Variants in FILIP1L observed in about 807,000 individuals in gnomAD.
The protein encoded by FILIP1L is filamin A-interacting protein 1-like.
Under a neutral mutation model 96.6 loss-of-function variants are expected in FILIP1L, and 55 were observed. The ratio of observed to expected loss-of-function variants is 0.57; its 90% confidence interval spans 0.46 to 0.71. The LOEUF is 0.71. Among genes scored for constraint, FILIP1L ranks in the 30% least tolerant of loss-of-function variants. The pLI is 0.00. For synonymous variants in FILIP1L, 467 were observed against 473.9 expected, an observed-to-expected ratio of 0.99 and a Z score of 0.19; for missense variants, 1,304 against 1,321.2, an observed-to-expected ratio of 0.99 and a Z score of 0.20.
intron 4 of FILIP1L, among the ~76,000 whole-genome samples, chr3:99,903,512 A>G (rs1706510624): frequency 6.6e-6 from 1 of 152,096 alleles, no homozygotes; most frequent in African/African-American, 2.4e-5. Context: ...GGCCTCCCAA[A>G]GTGCTGGGAT....
At chr3:100,048,637 A>G (rs2065316949) in intron 1 of FILIP1L, among the ~76,000 whole-genome samples, 1 of 152,130 alleles carries the variant, frequency 6.6e-6, no homozygotes, top group Admixed American at 6.5e-5. Flanking sequence ...CCATTTAGAG[A>G]GGGAAAATAA....
intron 4 of FILIP1L, among the ~76,000 whole-genome samples, chr3:99,911,367 A>G (rs919971568): frequency 1.3e-5 from 2 of 150,704 alleles, no homozygotes; most frequent in Admixed American, 1.3e-4. Context: ...AAGTATTATT[A>G]TTGTTAAGTT....
At chr3:99,961,435 C>T (rs1708487888) in intron 1 of FILIP1L, among the ~76,000 whole-genome samples, 1 of 152,126 alleles carries the variant, frequency 6.6e-6, no homozygotes. Context: ...TATGCATACC[C>T]AGGAGCCCAG....
intron 1 of FILIP1L, among the ~76,000 whole-genome samples, chr3:99,996,668 A>C (rs1024497816): frequency 2.6e-5 from 4 of 152,130 alleles, no homozygotes; most frequent in African/African-American, 9.7e-5. Context: ...TGGGAGGCAA[A>C]AGGCGCTTCT....
rs1942618547 is a variant in FILIP1L at position 99,829,932 on chromosome 3, T to A, written c.*482A>T. Among the ~76,000 whole-genome samples, 1 of 152,226 alleles carries A rather than the reference T, an allele frequency of 6.6e-6. No individual in the cohort carries two copies. The highest frequency in any genetic ancestry group is 1.5e-5 in the Non-Finnish European group (1 of 68,034). On this transcript the variant is annotated 3_prime_UTR_variant, in exon 6 of 6. Transcript: ENST00000477258. The stretch of plus-strand genomic sequence containing the variant: ...TCCTGGTCATAAAGAAATCATAGTT[T>A]TAGACCTTAAAGTGTGATTTTAATT...
At chr3:100,042,556 T>C (rs2065222363) in intron 1 of FILIP1L, among the ~76,000 whole-genome samples, 1 of 152,242 alleles carries the variant, frequency 6.6e-6, no homozygotes, top group South Asian at 2.1e-4. Context: ...TTTTAATTCT[T>C]TGGAAATTGG....
intron 1 of FILIP1L, among the ~76,000 whole-genome samples, chr3:99,997,372 A>C (rs1484822976): frequency 6.6e-6 from 1 of 152,364 alleles, no homozygotes; most frequent in East Asian, 1.9e-4. Context: ...AAATGGCTGT[A>C]TGCTATCTTT....
At chr3:99,888,737 T>C (rs1189109612) in intron 4 of FILIP1L, among the ~76,000 whole-genome samples, 1 of 152,212 alleles carries the variant, frequency 6.6e-6, no homozygotes, top group Non-Finnish European at 1.5e-5. Context: ...TTCATTTTTC[T>C]CTCTTCCAGC....
chr3:99,912,947 A>C (rs577337475), intron 4 of FILIP1L, among the ~76,000 whole-genome samples: 3 of 152,306 alleles, frequency 2.0e-5, no homozygotes, highest in Non-Finnish European at 4.4e-5. Context: ...TTGAAATCAT[A>C]ACTCCCAATG....
intron 1 of FILIP1L, among the ~76,000 whole-genome samples, chr3:100,094,878 CG>C (rs1354015845): frequency 6.6e-6 from 1 of 151,556 alleles, no homozygotes; most frequent in Non-Finnish European, 1.5e-5. Flanking sequence ...TTAGTAGAGA[CG>C]GGGTTTTATC....
intron 4 of FILIP1L, among the ~76,000 whole-genome samples, chr3:99,881,381 G>A (rs1705721251): frequency 6.6e-6 from 1 of 151,948 alleles, no homozygotes. Context: ...TACTGCAGAA[G>A]TGAAAAAAAA....
chr3:100,025,920 C>T (rs115093596), intron 1 of FILIP1L, among the ~76,000 whole-genome samples: 2,453 of 152,184 alleles, frequency 0.016, 38 homozygotes, highest in Non-Finnish European at 0.025. Flanking sequence ...GCCTGGGCCT[C>T]GGAGCTCCCT....
intron 1 of FILIP1L, among the ~76,000 whole-genome samples, chr3:100,016,757 G>A (rs1468514558): frequency 4.3e-4 from 66 of 152,216 alleles, no homozygotes; most frequent in African/African-American, 1.5e-3. Context: ...TAACATTTTA[G>A]ATATGTGCAA....
chr3:100,022,188 T>C (rs1565341), intron 1 of FILIP1L, among the ~76,000 whole-genome samples: 124,822 of 152,152 alleles, frequency 0.82, 51,273 homozygotes, highest in East Asian at 0.88. Flanking sequence ...TCCTGCAAGT[T>C]TTTTGCTTCA....
intron 4 of FILIP1L, among the ~76,000 whole-genome samples, chr3:99,861,727 A>G (rs569067488): frequency 3.0e-4 from 45 of 152,192 alleles, no homozygotes; most frequent in Non-Finnish European, 5.3e-4. Flanking sequence ...GACAGCATGT[A>G]CACTCTCTAG....
intron 4 of FILIP1L, among the ~76,000 whole-genome samples, chr3:99,922,474 A>G (rs1006737477): frequency 6.6e-6 from 1 of 152,152 alleles, no homozygotes; most frequent in African/African-American, 2.4e-5. Flanking sequence ...AACCTCCTGG[A>G]AAAAATAGAG....
Position 99,841,033 on chromosome 3 carries a change from T to C in FILIP1L, c.3381+7262A>G, listed in dbSNP as rs542628189. 2.6e-5 allele frequency among the ~76,000 whole-genome samples: 4 copies of C among 152,376 alleles called. 1 individual carries two copies. The highest frequency in any genetic ancestry group is 9.6e-5 in the African/African-American group (4 of 41,590). ...CTCTTCAAGGGCAGTGAATCTTTCA[T>C]CTCCATAATATCTGCCCCAGTGGCA... On this transcript the variant is annotated intron_variant, in intron 5 of 5. Transcript: ENST00000477258.
intron 1 of FILIP1L, among the ~76,000 whole-genome samples, chr3:99,943,006 G>T (rs1326356364): frequency 6.6e-6 from 1 of 152,152 alleles, no homozygotes; most frequent in African/African-American, 2.4e-5. Context: ...AAGGGGCAAA[G>T]AGCTGCTGTG....
At chr3:99,931,383 A>G (rs527662009) in intron 1 of FILIP1L, among the ~76,000 whole-genome samples, 179 of 152,330 alleles carry the variant, frequency 1.2e-3, no homozygotes, top group Non-Finnish European at 2.2e-3. Context: ...CGTACTTAAC[A>G]TAATTATAAT....
Sources: allele counts gnomAD v4.1 joint callset (sites outside exome capture counted in the v4.1 genomes callset), GRCh38; gene constraint gnomAD v4.1.1; transcripts MANE v1.5; gene names NCBI Gene and HGNC (gene_info 2026-07-23, HGNC 2026-07-21).